The following NOSIP variants were observed in gnomAD, a reference collection of about 807,000 sequenced individuals.
NOSIP encodes the protein nitric oxide synthase interacting protein.
NOSIP carries 25 observed loss-of-function variants against 36.4 expected under a neutral mutation model. The ratio of observed to expected loss-of-function variants is 0.69; its 90% CI spans 0.50 to 0.96. The LOEUF (loss-of-function observed/expected upper bound fraction) is 0.96. Among genes scored for constraint, NOSIP ranks in the 40% least tolerant of loss-of-function variants. The pLI is 0.00. For synonymous variants in NOSIP, 187 were observed against 179.2 expected, an observed-to-expected ratio of 1.04 and a Z score of -0.35; for missense variants, 370 against 429.0, an observed-to-expected ratio of 0.86 and a Z score of 1.21.
At chr19:49,574,885 C>T (rs1201402849) in intron 1 of NOSIP, among the ~76,000 whole-genome samples, 7 of 139,010 alleles carry the variant, frequency 5.0e-5, no homozygotes, top group South Asian at 2.3e-4. Flanking sequence ...TTTTTTGAGA[C>T]GGAGTTTCGC....
intron 4 of NOSIP, chr19:49,558,614 C>G: frequency 2.5e-6 from 1 of 406,546 alleles, no homozygotes; most frequent in South Asian, 3.5e-5. Context: ...ACTCGAAGTC[C>G]ATAAGGGAAA....
At chr19:49,569,894 C>T (rs1246232756) in intron 1 of NOSIP, among the ~76,000 whole-genome samples, 1 of 151,406 alleles carries the variant, frequency 6.6e-6, no homozygotes, top group African/African-American at 2.4e-5. Flanking sequence ...AGCAGATCAC[C>T]TGAGGTCAGG....
chr19:49,560,813 G>C lies in NOSIP; in HGVS notation c.-1-121C>G, dbSNP rs1323977389. 11 of 772,820 alleles carry C rather than the reference G, an allele frequency of 1.4e-5. No individual in the cohort carries two copies. The African/African-American group carries it at 1.9e-4, about 13-fold the overall frequency. 47.9% of individuals were successfully genotyped at this position (772,820 alleles called of 1,614,324 possible). ...ATGGGAAAGCGGAGGCGGAGAAGGG[G>C]GGTGAGGTGGAAGAGAGGGAGGGCA... On this transcript the variant is annotated intron_variant, in intron 1 of 8. Coordinates refer to ENST00000596358, the MANE Select transcript of NOSIP (RefSeq NM_001270960.2). This position sits in a 1 kb window ranked among gnomAD's most constrained non-coding sequence, Gnocchi z 4.6.
chr19:49,579,578 G>C (rs960040841), intron 1 of NOSIP, among the ~76,000 whole-genome samples: 2 of 152,108 alleles, frequency 1.3e-5, no homozygotes, highest in Admixed American at 6.6e-5. Context: ...TTCCGTTTCT[G>C]ATTTTCTCAG....
rs898505917 is a variant in NOSIP, at chr19:49,568,332, G to T, written c.-1-7640C>A. On this transcript the variant is annotated intron_variant, in intron 1 of 8. Transcript: ENST00000596358. ...GTGGAAAGAGGGTTATTTGAGATCT[G>T]ATGGAAAGTCCTAGTACCAGATGTG... Among the ~76,000 whole-genome samples the T allele has an allele frequency of 2.0e-5, 3 of 152,092 alleles. No homozygotes were observed. The South Asian group carries it at 6.2e-4, about 32-fold the overall frequency.
chr19:49,568,798 G>GTT (rs750047416), intron 1 of NOSIP, among the ~76,000 whole-genome samples: 4,851 of 106,062 alleles, frequency 0.046, 477 homozygotes, highest in African/African-American at 0.18. Flanking sequence ...AAAAAAAATA[G>GTT]TTTGTTTGTT....
chr19:49,571,744 T>C (rs2122165799), intron 1 of NOSIP, among the ~76,000 whole-genome samples: 1 of 152,196 alleles, frequency 6.6e-6, no homozygotes, highest in South Asian at 2.1e-4. Flanking sequence ...GCCAGCACTC[T>C]GGGAGGCTGA....
intron 1 of NOSIP, among the ~76,000 whole-genome samples, chr19:49,562,284 G>T (rs189101222): frequency 2.1e-3 from 318 of 152,228 alleles, no homozygotes; most frequent in African/African-American, 7.0e-3. Context: ...ACCACGCCTG[G>T]CTAATTTTTT....
chr19:49,556,549 G>T lies in NOSIP; in HGVS notation c.725C>A (p.Ser242Tyr). Residue 242 changes from serine to tyrosine, a missense_variant and splice_region_variant, in exon 7 of 9, where the codon TCT (serine) becomes TAT (tyrosine). Physicochemically the swap from Ser to Tyr is moderately radical, Grantham distance 144. Coordinates refer to ENST00000596358, the MANE Select transcript of NOSIP (RefSeq NM_001270960.2). ...NATPCAVLRP[S>Y]GAVVTLECVE... ...TTCCCTCCCCTCCCAGGTGACTCAC[G>T]AGGGCCGCAGCACAGCGCAGGGGGT... 1 of 1,603,730 alleles carries T rather than the reference G, an allele frequency of 6.2e-7. No homozygotes were observed.
At chr19:49,579,918 C>T (rs1178163346) in intron 1 of NOSIP, among the ~76,000 whole-genome samples, 1 of 151,992 alleles carries the variant, frequency 6.6e-6, no homozygotes, top group African/African-American at 2.4e-5. Flanking sequence ...CCTCAAGGAC[C>T]GTTCAAGCCC....
intron 1 of NOSIP, among the ~76,000 whole-genome samples, chr19:49,577,627 C>T (rs149541537): frequency 4.6e-5 from 7 of 151,810 alleles, no homozygotes; most frequent in East Asian, 1.9e-4. Context: ...GGCTGGGCGC[C>T]GATGGCTCAC....
intron 3 of NOSIP, chr19:49,559,666 T>C (rs2080304804): frequency 2.1e-6 from 1 of 487,396 alleles, no homozygotes; most frequent in African/African-American, 2.0e-5. Flanking sequence ...ATGGGAAGTG[T>C]CCAAAGGTGA....
chr19:49,558,228 C>T (rs1241102926), intron 4 of NOSIP: 1 of 147,408 alleles, frequency 6.8e-6, no homozygotes, highest in African/African-American at 2.5e-5. Context: ...GAGGTGATGT[C>T]AATTCACGTA....
At chr19:49,573,729 C>T (rs1220149301) in intron 1 of NOSIP, among the ~76,000 whole-genome samples, 2 of 152,148 alleles carry the variant, frequency 1.3e-5, no homozygotes, top group Non-Finnish European at 2.9e-5. Flanking sequence ...AAGCACTTTC[C>T]ACATGTGAAC....
Position 49,557,226 on chromosome 19 carries a change from G to A in NOSIP, c.282C>T (p.Thr94=), listed in dbSNP as rs1238216457. ...GAAGCTCCTTCTGCTCCTCGCGCCG[G>A]GTGCCCCGCTGCTTCTCGTAGGCCT... The part of the protein sequence containing the change: ...QMKAYEKQRG[T]RREEQKELQR... Residue 94 remains threonine (T), a synonymous_variant, in exon 5 of 9, where the codon ACC becomes ACT. Transcript: ENST00000596358. 1 of 1,594,524 alleles carries A rather than the reference G, an allele frequency of 6.3e-7. No homozygotes were observed. Among genetic ancestry groups the A allele is most frequent in the Non-Finnish European group, 8.5e-7 (1 of 1,171,400 alleles).
intron 1 of NOSIP, among the ~76,000 whole-genome samples, chr19:49,565,955 T>C (rs937557699): frequency 2.6e-5 from 4 of 152,164 alleles, no homozygotes; most frequent in African/African-American, 9.7e-5. Context: ...AGCAGTTTGG[T>C]ACCCAATGTC....
chr19:49,556,260 G>T, intron 8 of NOSIP, 57 bp downstream of exon 8: 1 of 971,366 alleles, frequency 1.0e-6, no homozygotes, highest in Non-Finnish European at 1.5e-6. Flanking sequence ...TGGAGGGGGT[G>T]AAGGGGAGGG....
rs996101660 is a variant in NOSIP at position 49,572,998 on chromosome 19, G to A, written c.-2+7517C>T. Among the ~76,000 whole-genome samples the A allele has an allele frequency of 1.7e-4, 25 of 143,992 alleles. No individual in the cohort carries two copies. The East Asian group carries it at 4.8e-3, about 27-fold the overall frequency. 94.5% of individuals were successfully genotyped at this position (143,992 alleles called of 152,430 possible). ...AAAAAAAAAAAAAAAAAAAAAGCCC[G>A]GCTCTGAAGCAGACCCTGGCTCTAA... On this transcript the variant is annotated intron_variant, in intron 1 of 8. Coordinates refer to ENST00000596358, the MANE Select transcript of NOSIP (RefSeq NM_001270960.2).
chr19:49,568,110 C>T (rs959600250), intron 1 of NOSIP, among the ~76,000 whole-genome samples: 8 of 152,098 alleles, frequency 5.3e-5, no homozygotes, highest in Non-Finnish European at 1.0e-4. Context: ...TCACAATCCT[C>T]GTAAACTTTG....
Sources: gnomAD v4.1 joint callset for allele counts (sites outside exome capture counted in the v4.1 genomes callset) on GRCh38, gnomAD v4.1.1 for gene constraint, Gnocchi (gnomAD v3.1) non-coding constraint, MANE v1.5 for transcripts, NCBI Gene and HGNC (gene_info 2026-07-23, HGNC 2026-07-21) for gene names.